Variants in RGS7 observed in about 807,000 individuals in gnomAD.
RGS7 encodes regulator of G-protein signaling 7.
In RGS7, 27 loss-of-function variants were observed where a neutral mutation model predicts 81.1. The observed-to-expected ratio is 0.33, with a 90% CI of 0.25 to 0.46. The LOEUF is 0.46. Ranked by LOEUF, RGS7 falls within the 20% of genes least tolerant of loss-of-function variation. RGS7 has a pLI of 1.00. For synonymous variants in RGS7, 208 were observed against 207.7 expected (o/e 1.00, Z -0.01); for missense variants, 396 against 607.4 (o/e 0.65, Z 3.66).
intron 2 of RGS7, among the ~76,000 whole-genome samples, chr1:241,209,090 A>C (rs1378083491): frequency 6.6e-6 from 1 of 152,192 alleles, no homozygotes; most frequent in African/African-American, 2.4e-5. Context: ...GTCTGTTCCC[A>C]AAGAAAATTA....
At chr1:241,007,780 C>CA (rs1333631606) in intron 3 of RGS7, among the ~76,000 whole-genome samples, 11 of 152,208 alleles carry the variant, frequency 7.2e-5, no homozygotes, top group Admixed American at 2.6e-4. Flanking sequence ...AGGCTGCTGG[C>CA]AAGGAATTAG....
chr1:240,860,573 T>G (rs998013112), intron 9 of RGS7, among the ~76,000 whole-genome samples: 2 of 152,146 alleles, frequency 1.3e-5, no homozygotes, highest in Non-Finnish European at 2.9e-5. Context: ...TTTAATGGAT[T>G]TGTACACACA....
chr1:241,282,293 C>T (rs1234785391), intron 2 of RGS7, among the ~76,000 whole-genome samples: 1 of 152,154 alleles, frequency 6.6e-6, no homozygotes, highest in African/African-American at 2.4e-5. Flanking sequence ...GGATAATGGC[C>T]TCCAGCTGCA....
At chr1:241,319,081 A>C (rs564079347) in intron 2 of RGS7, among the ~76,000 whole-genome samples, 61 of 152,326 alleles carry the variant, frequency 4.0e-4, no homozygotes, top group Non-Finnish European at 2.9e-5. Flanking sequence ...TCAACTTGAA[A>C]TCCATACAGA....
At chr1:240,914,301 T>A (rs1015665716) in intron 6 of RGS7, among the ~76,000 whole-genome samples, 21 of 152,214 alleles carry the variant, frequency 1.4e-4, no homozygotes, top group African/African-American at 4.3e-4. Flanking sequence ...AGCATTCTGC[T>A]TAGATAAATA....
intron 2 of RGS7, among the ~76,000 whole-genome samples, chr1:241,121,176 T>C (rs1185948447): frequency 6.6e-6 from 1 of 152,166 alleles, no homozygotes; most frequent in Non-Finnish European, 1.5e-5. Context: ...AGAGGCCAAA[T>C]TGTAAAATAT....
chr1:241,074,861 G>A (rs2062699067), intron 3 of RGS7, among the ~76,000 whole-genome samples: 1 of 152,138 alleles, frequency 6.6e-6, no homozygotes. Context: ...GATAATACTG[G>A]CCCTGGAGTT....
At chr1:241,059,734 T>C (rs1212813876) in intron 3 of RGS7, among the ~76,000 whole-genome samples, 1 of 152,142 alleles carries the variant, frequency 6.6e-6, no homozygotes, top group Non-Finnish European at 1.5e-5. Context: ...CTGTGGTTGA[T>C]TGGTCCCACC....
intron 2 of RGS7, among the ~76,000 whole-genome samples, chr1:241,147,595 T>C (rs1352667493): frequency 6.6e-6 from 1 of 151,658 alleles, no homozygotes; most frequent in Non-Finnish European, 1.5e-5. Context: ...TAGAAAATAA[T>C]AGGAACACAT....
rs1463922483 is a variant in RGS7, at chr1:241,234,448, C to A, written c.78+121251G>T. ...GCTCCCAGAAACCTTCCCTCAAAAA[C>A]AGCCAATGCATATCTTGTTTTTCTT... On this transcript the variant is annotated intron_variant, in intron 2 of 18. Coordinates refer to ENST00000440928, the MANE Select transcript of RGS7 (RefSeq NM_001364886.1). Among the ~76,000 whole-genome samples, 8 of 152,326 alleles carry A rather than the reference C, an allele frequency of 5.3e-5. 1 individual carries two copies. Among genetic ancestry groups the A allele is most frequent in the Admixed American group, 3.9e-4 (6 of 15,292 alleles).
rs576104355 is a variant in RGS7 at position 240,886,577 on chromosome 1, T to TC, written c.386-16459dup. ...CCACTTGATTCCTTCCCATTCCCACTCCTCACCGCTCTCTCCCTTTCTCTT... is the reference window on the plus strand; with the variant it reads ...CCACTTGATTCCTTCCCATTCCCACTCCCTCACCGCTCTCTCCCTTTCTCTT... On this transcript the variant is annotated intron_variant, in intron 6 of 18. Transcript: ENST00000440928. Among the ~76,000 whole-genome samples, 541 of 152,274 alleles carry TC rather than the reference T, an allele frequency of 3.6e-3. 2 individuals carry two copies. The highest frequency in any genetic ancestry group is 0.011 in the African/African-American group (465 of 41,554).
intron 3 of RGS7, among the ~76,000 whole-genome samples, chr1:241,023,931 G>C (rs1321775033): frequency 1.3e-5 from 2 of 152,146 alleles, no homozygotes; most frequent in East Asian, 1.9e-4. Context: ...TTTTAGTAGA[G>C]AGGGGTTTCT....
At chr1:240,786,929 GT>G (rs148492124) in intron 18 of RGS7, among the ~76,000 whole-genome samples, 9 of 151,774 alleles carry the variant, frequency 5.9e-5, no homozygotes, top group African/African-American at 1.7e-4. Context: ...GAACACCTGG[GT>G]TTTTTTTAGG....
intron 14 of RGS7, 28 bp downstream of exon 14, chr1:240,811,890 C>T: frequency 6.3e-7 from 1 of 1,587,536 alleles, no homozygotes; most frequent in Non-Finnish European, 8.7e-7. Context: ...ATTTCTCTGG[C>T]TTATAAGATC....
chr1:240,987,514 G>A (rs1195568201), intron 3 of RGS7, among the ~76,000 whole-genome samples: 2 of 150,732 alleles, frequency 1.3e-5, no homozygotes, highest in Non-Finnish European at 3.0e-5. Flanking sequence ...GATTTTTGAT[G>A]TTATAACTAT....
intron 14 of RGS7, among the ~76,000 whole-genome samples, chr1:240,808,700 T>A (rs1457668990): frequency 6.6e-6 from 1 of 152,092 alleles, no homozygotes; most frequent in Non-Finnish European, 1.5e-5. Flanking sequence ...ATTACTGTAA[T>A]TATTGTAATA....
intron 4 of RGS7, among the ~76,000 whole-genome samples, chr1:240,955,316 G>T (rs1032211849): frequency 6.6e-6 from 1 of 152,142 alleles, no homozygotes; most frequent in African/African-American, 2.4e-5. Flanking sequence ...GCTTTAGGAG[G>T]CCGAGGCGGG....
intron 9 of RGS7, among the ~76,000 whole-genome samples, chr1:240,863,580 T>C (rs1014725918): frequency 4.6e-5 from 7 of 152,234 alleles, no homozygotes; most frequent in Non-Finnish European, 8.8e-5. Flanking sequence ...AGATAGGACT[T>C]ATCAGGCAGC....
intron 6 of RGS7, among the ~76,000 whole-genome samples, chr1:240,909,194 A>G (rs1244142267): frequency 6.6e-6 from 1 of 152,208 alleles, no homozygotes; most frequent in African/African-American, 2.4e-5. Flanking sequence ...TTGAAAATTT[A>G]TGTTTATGTT....
Sources: gnomAD v4.1 joint callset for allele counts (sites outside exome capture counted in the v4.1 genomes callset) on GRCh38, gnomAD v4.1.1 for gene constraint, MANE v1.5 for transcripts, NCBI Gene and HGNC (gene_info 2026-07-23, HGNC 2026-07-21) for gene names.